VSTM4: variants seen among roughly 807,000 people sequenced by gnomAD.
The protein encoded by VSTM4 is V-set and transmembrane domain containing 4, also known as V-set and transmembrane domain-containing protein 4.
Under a neutral mutation model 36.4 loss-of-function variants are expected in VSTM4, and 20 were observed. The ratio of observed to expected loss-of-function variants is 0.55; its 90% CI spans 0.39 to 0.80. VSTM4 has a LOEUF of 0.80. VSTM4 is among the 30% of genes least tolerant of loss of function. The pLI is 0.00. For synonymous variants in VSTM4, 182 were observed against 173.9 expected (o/e 1.05, Z -0.37); for missense variants, 392 against 404.5 (o/e 0.97, Z 0.26).
chr10:49,071,914 AC>A (rs1844086594), intron 4 of VSTM4, among the ~76,000 whole-genome samples: 1 of 152,248 alleles, frequency 6.6e-6, no homozygotes, highest in Non-Finnish European at 1.5e-5. Context: ...CATGAACAGA[AC>A]AAGGGCCTGT....
chr10:49,065,382 C>T (rs1590100665), intron 4 of VSTM4, among the ~76,000 whole-genome samples: 2 of 152,328 alleles, frequency 1.3e-5, no homozygotes, highest in South Asian at 4.1e-4. Flanking sequence ...CATCAGTGGA[C>T]TCAGTGAATC....
chr10:49,040,240 A>G (rs1331298326), intron 7 of VSTM4, among the ~76,000 whole-genome samples: 2 of 152,220 alleles, frequency 1.3e-5, no homozygotes, highest in Non-Finnish European at 2.9e-5. Context: ...AAGGAAAAGC[A>G]GTTTTGATAC....
At chr10:49,075,951 T>A (rs1391223235) in intron 4 of VSTM4, among the ~76,000 whole-genome samples, 1 of 152,040 alleles carries the variant, frequency 6.6e-6, no homozygotes, top group East Asian at 1.9e-4. Context: ...AGGAGCTGAG[T>A]CCCTCTCTGC....
At chr10:49,098,069 G>C (rs1339846079) in intron 2 of VSTM4, among the ~76,000 whole-genome samples, 1 of 152,172 alleles carries the variant, frequency 6.6e-6, no homozygotes, top group Non-Finnish European at 1.5e-5. Flanking sequence ...ACCCCTTGGA[G>C]AGAGGGAGAC....
In VSTM4 at chr10:49,043,296, G is replaced by T. The variant is rs117921934; in HGVS notation, c.837+3687C>A. 7.0e-3 allele frequency among the ~76,000 whole-genome samples: 1,069 copies of T among 152,298 alleles called. 7 individuals carry two copies. Among genetic ancestry groups the T allele is most frequent in the Non-Finnish European group, 0.011 (781 of 68,024 alleles). On this transcript the variant is annotated intron_variant, in intron 7 of 7. Coordinates refer to ENST00000332853, the MANE Select transcript of VSTM4 (RefSeq NM_001031746.5). ...TGCTATATTGATTACATGATTAAAT[G>T]ATAATATTTTTGATAGTTAAGTTAA...
Position 49,107,992 on chromosome 10 carries a change from A to C in VSTM4, c.59T>G (p.Val20Gly). 1 of 1,563,858 alleles carries C rather than the reference A, an allele frequency of 6.4e-7. No individual in the cohort carries two copies. Among genetic ancestry groups the C allele is most frequent in the Non-Finnish European group, 8.7e-7 (1 of 1,152,298 alleles). The change falls in exon 2 of 8, where the codon GTC (valine) becomes GGC (glycine). Residue 20 changes from valine (V) to glycine (G), a missense_variant. Coordinates refer to ENST00000332853, the MANE Select transcript of VSTM4 (RefSeq NM_001031746.5). ...CACAGTGACATTGAGGGCCGCACAG[A>C]CCTCTGCAGAGAAAAAGGGGAGAAG... ...ALLARAPAPE[V>G]CAALNVTVSP...
chr10:49,020,460 C>A (rs1843164237), intron 7 of VSTM4, among the ~76,000 whole-genome samples: 1 of 151,164 alleles, frequency 6.6e-6, no homozygotes, highest in South Asian at 2.1e-4. Flanking sequence ...AACAGATAAA[C>A]TGAAAAATAA....
At chr10:49,091,248 A>T (rs1329418390) in intron 2 of VSTM4, among the ~76,000 whole-genome samples, 1 of 152,216 alleles carries the variant, frequency 6.6e-6, no homozygotes, top group African/African-American at 2.4e-5. Flanking sequence ...GGCAGAGCCC[A>T]TGAGAGTTTC....
chr10:49,052,250 A>G (rs1456066322), intron 5 of VSTM4, among the ~76,000 whole-genome samples: 1 of 152,200 alleles, frequency 6.6e-6, no homozygotes, highest in Non-Finnish European at 1.5e-5. Flanking sequence ...AAATGAGAAT[A>G]CCTACGTCAC....
Position 49,115,506 on chromosome 10 carries a change from C to T in VSTM4, c.-21G>A. 2 of 987,712 alleles carry T rather than the reference C, an allele frequency of 2.0e-6. No individual in the cohort carries two copies. Among genetic ancestry groups the T allele is most frequent in the South Asian group, 9.0e-5 (2 of 22,316 alleles). 61.2% of individuals were successfully genotyped at this position (987,712 alleles called of 1,614,324 possible). The stretch of plus-strand genomic sequence containing the variant: ...CGCATCTCCCCGCCGCCGCCCGGCG[C>T]TGTGACGCGGGAGAGCGCCGCCGCC... On this transcript the variant is annotated 5_prime_UTR_variant, in exon 1 of 8. Coordinates refer to ENST00000332853, the MANE Select transcript of VSTM4 (RefSeq NM_001031746.5).
chr10:49,060,749 G>A (rs1350398685), intron 5 of VSTM4, among the ~76,000 whole-genome samples: 2 of 152,102 alleles, frequency 1.3e-5, no homozygotes, highest in Admixed American at 1.3e-4. Flanking sequence ...CCCAACCCAA[G>A]GTCACAAAGA....
Position 49,037,024 on chromosome 10 carries a change from G to A in VSTM4, c.837+9959C>T, listed in dbSNP as rs904356429. ...GCCAAGTGCTACACTAGGAGATCAT[G>A]GGGCAAGGCTACATATACCTGGTTG... On this transcript the variant is annotated intron_variant, in intron 7 of 7. Transcript: ENST00000332853. Among the ~76,000 whole-genome samples, 11 of 152,342 alleles carry A rather than the reference G, an allele frequency of 7.2e-5. 1 individual carries two copies.
At chr10:49,078,075 C>A (rs1019479629) in intron 3 of VSTM4, among the ~76,000 whole-genome samples, 2 of 152,020 alleles carry the variant, frequency 1.3e-5, no homozygotes, top group African/African-American at 4.8e-5. Flanking sequence ...TGACTTCTAT[C>A]GCTGTTAGAG....
At chr10:49,080,389 G>A (rs937188710) in intron 3 of VSTM4, among the ~76,000 whole-genome samples, 4 of 152,186 alleles carry the variant, frequency 2.6e-5, no homozygotes, top group Admixed American at 6.5e-5. Flanking sequence ...TCCCCTCCCT[G>A]GCCTAGGCCC....
At chr10:49,077,069 C>G (rs1460749761) in intron 4 of VSTM4, 150 bp downstream of exon 4, 1 of 732,914 alleles carries the variant, frequency 1.4e-6, no homozygotes, top group African/African-American at 1.7e-5. Context: ...AAGGGAAACA[C>G]AGCTTGCTCA....
At chr10:49,038,080 C>A (rs1170537125) in intron 7 of VSTM4, among the ~76,000 whole-genome samples, 3 of 152,194 alleles carry the variant, frequency 2.0e-5, no homozygotes, top group African/African-American at 7.2e-5. Flanking sequence ...AATGCCATTA[C>A]CATCTGATCC....
intron 7 of VSTM4, among the ~76,000 whole-genome samples, chr10:49,024,952 A>T (rs1457975502): frequency 6.6e-6 from 1 of 151,948 alleles, no homozygotes; most frequent in African/African-American, 2.4e-5. Flanking sequence ...GGGTTTTTTT[A>T]AAGAGGTAAT....
intron 4 of VSTM4, among the ~76,000 whole-genome samples, chr10:49,072,219 G>A (rs1190556491): frequency 1.3e-5 from 2 of 152,158 alleles, no homozygotes; most frequent in Non-Finnish European, 2.9e-5. Context: ...GGGGGGATGT[G>A]CCCTGTGCCT....
chr10:49,086,588 T>C (rs1440641101), intron 2 of VSTM4, among the ~76,000 whole-genome samples: 1 of 152,214 alleles, frequency 6.6e-6, no homozygotes, highest in Non-Finnish European at 1.5e-5. Flanking sequence ...TGAGTTACAC[T>C]GTGTGAAACT....
Sources: gnomAD v4.1 joint callset for allele counts (sites outside exome capture counted in the v4.1 genomes callset) on GRCh38, gnomAD v4.1.1 for gene constraint, MANE v1.5 for transcripts, NCBI Gene and HGNC (gene_info 2026-07-23, HGNC 2026-07-21) for gene names.